The following DENND1B variants were observed in gnomAD, a reference collection of about 807,000 sequenced individuals.
The protein encoded by DENND1B is DENN domain-containing protein 1B.
A neutral mutation model predicts 90.1 loss-of-function variants in DENND1B; 59 were observed. The ratio of observed to expected loss-of-function variants is 0.65; its 90% CI spans 0.53 to 0.81. The LOEUF is 0.81. DENND1B is among the 40% of genes least tolerant of loss of function. The probability of loss-of-function intolerance (pLI) is 0.00; values close to 1 mark genes in which losing one functional copy is unlikely to be tolerated. For synonymous variants in DENND1B, 337 were observed against 324.6 expected, an observed-to-expected ratio of 1.04 and a Z score of -0.41; for missense variants, 862 against 912.6, an observed-to-expected ratio of 0.94 and a Z score of 0.71.
At chr1:197,608,131 A>T (rs1425088965) in intron 12 of DENND1B, among the ~76,000 whole-genome samples, 10 of 150,754 alleles carry the variant, frequency 6.6e-5, no homozygotes, top group South Asian at 2.1e-4. Flanking sequence ...GTCACTTAAA[A>T]TCTTATTATT....
At chr1:197,652,042 G>C (rs1653269481) in intron 7 of DENND1B, among the ~76,000 whole-genome samples, 193 bp downstream of exon 7, 1 of 152,030 alleles carries the variant, frequency 6.6e-6, no homozygotes, top group African/African-American at 2.4e-5. Context: ...CAACACACCT[G>C]ATATATGAAG....
chr1:197,517,523 G>A (rs1414639779), intron 20 of DENND1B, among the ~76,000 whole-genome samples: 1 of 151,768 alleles, frequency 6.6e-6, no homozygotes, highest in African/African-American at 2.4e-5. Context: ...CACTGTCTTT[G>A]TCTATACACA....
chr1:197,516,703 T>C (rs1038311987), intron 20 of DENND1B, among the ~76,000 whole-genome samples: 2 of 151,688 alleles, frequency 1.3e-5, no homozygotes, highest in Non-Finnish European at 2.9e-5. Flanking sequence ...AGAAAACATA[T>C]TGTGTATTCT....
At chr1:197,523,212 G>T (rs1382348540) in intron 20 of DENND1B, among the ~76,000 whole-genome samples, 4 of 152,150 alleles carry the variant, frequency 2.6e-5, no homozygotes, top group African/African-American at 7.2e-5. Context: ...CAAACTCACT[G>T]CCTCCCAAGA....
intron 14 of DENND1B, 102 bp downstream of exon 14, chr1:197,595,105 AT>A (rs1675565655): frequency 1.5e-6 from 2 of 1,362,768 alleles, no homozygotes; most frequent in Non-Finnish European, 2.0e-6. Context: ...TTTCCATGAT[AT>A]TTTTTGAAGG....
At chr1:197,528,993 T>C (rs1669355952) in intron 20 of DENND1B, among the ~76,000 whole-genome samples, 1 of 151,906 alleles carries the variant, frequency 6.6e-6, no homozygotes, top group South Asian at 2.1e-4. Context: ...ATAGTAGAAA[T>C]TATGACTATT....
chr1:197,704,080 CA>C (rs1447136341), intron 3 of DENND1B, among the ~76,000 whole-genome samples: 1 of 151,908 alleles, frequency 6.6e-6, no homozygotes, highest in Non-Finnish European at 1.5e-5. Flanking sequence ...CCCATCTCTA[CA>C]AAAAATAAAA....
chr1:197,544,965 GAAGGAGGAAGGAGGAAGGGGAAGAAGGAA>G (rs1670666727), intron 18 of DENND1B, among the ~76,000 whole-genome samples: 1 of 35,700 alleles, frequency 2.8e-5, no homozygotes, highest in Admixed American at 3.7e-4. Context: ...GGGAGAAGGA[GAAGGAGGAAGGAGGAAGGGGAAGAAGGAA>G]GAAGGAAGAC....
intron 3 of DENND1B, among the ~76,000 whole-genome samples, chr1:197,701,634 C>T (rs1305426988): frequency 1.3e-5 from 2 of 151,976 alleles, no homozygotes; most frequent in Non-Finnish European, 2.9e-5. Context: ...ATCTGATTCC[C>T]AGTCCAATCT....
chr1:197,579,160 A>T (rs908540504), intron 15 of DENND1B, among the ~76,000 whole-genome samples: 2 of 152,172 alleles, frequency 1.3e-5, no homozygotes, highest in African/African-American at 4.8e-5. Context: ...TCATAGCAAA[A>T]CCTAAATTAC....
intron 20 of DENND1B, among the ~76,000 whole-genome samples, chr1:197,524,786 G>A (rs1003362305): frequency 5.3e-5 from 8 of 152,130 alleles, no homozygotes; most frequent in African/African-American, 1.9e-4. Context: ...ATTATGGTAT[G>A]TCCATTATGT....
At chr1:197,735,327 T>C in intron 2 of DENND1B, 1 of 1,271,276 alleles carries the variant, frequency 7.9e-7, no homozygotes, top group Non-Finnish European at 1.0e-6. Context: ...GTGGTTTTAT[T>C]TCCTCAGAAT....
chr1:197,650,756 G>C (rs1653051344), intron 7 of DENND1B, among the ~76,000 whole-genome samples: 1 of 152,186 alleles, frequency 6.6e-6, no homozygotes, highest in South Asian at 2.1e-4. Context: ...TAAGTGAAGT[G>C]CCTCAGGAAT....
intron 2 of DENND1B, among the ~76,000 whole-genome samples, chr1:197,748,440 CAT>C (rs1174841488): frequency 1.3e-5 from 2 of 152,114 alleles, no homozygotes; most frequent in African/African-American, 4.8e-5. Flanking sequence ...TATTATATAA[CAT>C]AGGAGAATTA....
chr1:197,753,494 G>A (rs995470522), intron 2 of DENND1B, among the ~76,000 whole-genome samples: 2 of 151,942 alleles, frequency 1.3e-5, no homozygotes, highest in African/African-American at 2.4e-5. Flanking sequence ...TTATACTTTT[G>A]TCAAACCCAT....
intron 2 of DENND1B, 43 bp from the exon 3 acceptor site, chr1:197,715,117 C>G (rs1315872588): frequency 6.5e-7 from 1 of 1,543,960 alleles, no homozygotes; most frequent in Non-Finnish European, 8.9e-7. Context: ...AGCAAAAGAA[C>G]ACATTTAAAG....
chr1:197,685,096 T>G (rs947970100), intron 3 of DENND1B, among the ~76,000 whole-genome samples: 2 of 151,978 alleles, frequency 1.3e-5, no homozygotes, highest in Non-Finnish European at 2.9e-5. Context: ...TTAACCTGGG[T>G]GACAGTGTGA....
At chr1:197,565,595 C>T (rs1254215998) in intron 15 of DENND1B, among the ~76,000 whole-genome samples, 1 of 149,930 alleles carries the variant, frequency 6.7e-6, no homozygotes, top group African/African-American at 2.5e-5. Flanking sequence ...CCCATTAACT[C>T]GTCATTTAGC....
At chr1:197,627,332 G>C (rs894373937) in intron 10 of DENND1B, among the ~76,000 whole-genome samples, 1 of 152,106 alleles carries the variant, frequency 6.6e-6, no homozygotes, top group Non-Finnish European at 1.5e-5. Flanking sequence ...TATCCACCAT[G>C]ATCAAGTGGG....
Sources: gnomAD v4.1 joint callset for allele counts (sites outside exome capture counted in the v4.1 genomes callset) on GRCh38, gnomAD v4.1.1 for gene constraint, MANE v1.5 for transcripts, NCBI Gene and HGNC (gene_info 2026-07-23, HGNC 2026-07-21) for gene names.